BCAP31: variants seen among roughly 807,000 people sequenced by gnomAD.
BCAP31 encodes the protein B-cell receptor-associated protein 31.
For synonymous variants in BCAP31, 75 were observed against 80.9 expected, an observed-to-expected ratio of 0.93 and a Z score of 0.39; for missense variants, 124 against 193.0, an observed-to-expected ratio of 0.64 and a Z score of 2.12.
At chrX:153,713,348 G>A (rs918697880) in intron 4 of BCAP31, among the ~76,000 whole-genome samples, 3 of 111,991 alleles carry the variant, frequency 2.7e-5, no homozygotes, top group South Asian at 3.7e-4. Context: ...GCATCTGGTC[G>A]TTAAGAACAG....
chrX:153,717,252 T>C lies in BCAP31; in HGVS notation c.194-1563A>G, dbSNP rs149054735. Among the ~76,000 whole-genome samples the C allele has an allele frequency of 4.3e-3, 480 of 112,412 alleles. 3 individuals carry two copies. Among genetic ancestry groups the C allele is most frequent in the African/African-American group, 0.014 (437 of 30,925 alleles). Reference sequence around the variant, plus strand: ...CCTGAAAGAGCCGCTGTTAGACATATAGAGCTCCAGTTAAAAATATATTTA... The same window carrying C: ...CCTGAAAGAGCCGCTGTTAGACATACAGAGCTCCAGTTAAAAATATATTTA... On this transcript the variant is annotated intron_variant, in intron 3 of 7. Transcript: ENST00000345046.
intron 1 of BCAP31, 92 bp downstream of exon 1, chrX:153,724,242 G>A (rs1310379787): frequency 5.3e-5 from 11 of 207,886 alleles, no homozygotes; most frequent in African/African-American, 9.6e-5. Context: ...CGGCCCCCGG[G>A]CCTCCCCGCG....
chrX:153,702,838 G>A, intron 6 of BCAP31, 97 bp downstream of exon 6: 8 of 1,128,786 alleles, frequency 7.1e-6, no homozygotes, highest in South Asian at 4.0e-5. Context: ...GTGCGTGCAA[G>A]GCTTGTTACT....
At chrX:153,710,169 G>A (rs1190990722) in intron 4 of BCAP31, among the ~76,000 whole-genome samples, 4 of 112,032 alleles carry the variant, frequency 3.6e-5, no homozygotes, top group Non-Finnish European at 7.5e-5. Context: ...GGGGGAGGCC[G>A]AAGCAGAGAC....
intron 3 of BCAP31, among the ~76,000 whole-genome samples, chrX:153,718,621 T>C (rs193185144): frequency 3.1e-4 from 35 of 112,558 alleles, no homozygotes; most frequent in Admixed American, 2.1e-3. Context: ...ATGGGGAGTT[T>C]AACTTTCTAA....
At chrX:153,722,884 C>G (rs1347244632) in intron 2 of BCAP31, among the ~76,000 whole-genome samples, 1 of 110,447 alleles carries the variant, frequency 9.1e-6, no homozygotes, top group Non-Finnish European at 1.9e-5. Context: ...ATTTCCAGAA[C>G]TGTAACATAG....
intron 2 of BCAP31, 39 bp from the exon 3 acceptor site, chrX:153,721,011 GCACA>G: frequency 8.8e-7 from 1 of 1,135,732 alleles, no homozygotes; most frequent in Non-Finnish European, 1.2e-6. Context: ...TGAAGAGAAA[GCACA>G]CACACGAGCT....
intron 3 of BCAP31, among the ~76,000 whole-genome samples, chrX:153,716,747 G>A (rs1241066639): frequency 9.0e-6 from 1 of 111,726 alleles, no homozygotes; most frequent in Non-Finnish European, 1.9e-5. Context: ...GCGACAGAGC[G>A]AGACTCTGTC....
intron 4 of BCAP31, among the ~76,000 whole-genome samples, chrX:153,707,012 C>T (rs1193918645): frequency 1.8e-5 from 2 of 111,720 alleles, no homozygotes; most frequent in African/African-American, 3.3e-5. Flanking sequence ...TCACTAACCA[C>T]GTGGCCCCCT....
chrX:153,702,925 C>A lies in BCAP31; in HGVS notation c.601+10G>T, dbSNP rs781941824. 8.3e-7 allele frequency: 1 copy of A among 1,208,813 alleles called. No homozygotes were observed. The highest frequency in any genetic ancestry group is 1.8e-5 in the South Asian group (1 of 56,885). ...TTCCCTGCGGGGAAGGACACGAGGT[C>A]GAGCCTCACTTTGCTTAGTGCTGGC... On this transcript the variant is annotated intron_variant, in intron 6 of 7. Coordinates refer to ENST00000345046, the MANE Select transcript of BCAP31 (RefSeq NM_001256447.2).
At chrX:153,723,583 T>C (rs2091684237) in intron 1 of BCAP31, 1 of 1,167,190 alleles carries the variant, frequency 8.6e-7, no homozygotes, top group Admixed American at 2.6e-5. Context: ...AAGCCCGAGA[T>C]TTCCGACGCC....
intron 4 of BCAP31, 29 bp downstream of exon 4, chrX:153,715,513 A>G (rs781830867): frequency 9.1e-6 from 11 of 1,204,197 alleles, no homozygotes; most frequent in Admixed American, 8.8e-5. Flanking sequence ...CTCCTTTCAC[A>G]GCACCTGCCC....
chrX:153,708,153 T>A lies in BCAP31; in HGVS notation c.342-4059A>T, dbSNP rs182724884. Among the ~76,000 whole-genome samples, 4 of 112,704 alleles carry A rather than the reference T, an allele frequency of 3.5e-5. No homozygotes were observed. The East Asian group carries it at 1.1e-3, about 31-fold the overall frequency. ...ACATGGCAGCCCCAATGCCTCAATC[T>A]GACTGGGCTTTCTTGATAGAATGTT... is the stretch of plus-strand genomic sequence containing the variant. On this transcript the variant is annotated intron_variant, in intron 4 of 7. Transcript: ENST00000345046.
chrX:153,721,707 G>A (rs183268455), intron 2 of BCAP31, among the ~76,000 whole-genome samples: 36 of 107,708 alleles, frequency 3.3e-4, no homozygotes, highest in African/African-American at 1.2e-3. Flanking sequence ...GGCCAACATG[G>A]TGAACTCCCA....
At chrX:153,723,688 C>G (rs782087472) in intron 1 of BCAP31, 80 of 1,150,964 alleles carry the variant, frequency 7.0e-5, no homozygotes, top group Non-Finnish European at 9.2e-5. Context: ...CCCCGCCAGG[C>G]AGAACTCAGC....
At chrX:153,719,385 A>C (rs1351909029) in intron 3 of BCAP31, among the ~76,000 whole-genome samples, 1 of 112,177 alleles carries the variant, frequency 8.9e-6, no homozygotes, top group Non-Finnish European at 1.9e-5. Flanking sequence ...CCTGGTTAGA[A>C]AGAGCTACTA....
chrX:153,701,255 A>G lies in BCAP31; in HGVS notation c.703-280T>C, dbSNP rs189617231. ...CTGAGTCCTGGCTGCAGGGAACAGCAAGGCATCCAGTCCCCTTCAAGACCT... is the reference window on the plus strand; with the variant it reads ...CTGAGTCCTGGCTGCAGGGAACAGCGAGGCATCCAGTCCCCTTCAAGACCT... On this transcript the variant is annotated intron_variant, in intron 7 of 7. Transcript: ENST00000345046. Among the ~76,000 whole-genome samples the G allele has an allele frequency of 2.3e-3, 260 of 112,234 alleles. 1 individual carries two copies. The highest frequency in any genetic ancestry group is 8.0e-3 in the African/African-American group (246 of 30,905).
chrX:153,718,653 G>A (rs927057762), intron 3 of BCAP31, among the ~76,000 whole-genome samples: 1 of 112,182 alleles, frequency 8.9e-6, no homozygotes, highest in African/African-American at 3.2e-5. Flanking sequence ...GAATTTTTAA[G>A]AATAATTACC....
intron 1 of BCAP31, chrX:153,723,670 G>A: frequency 8.6e-7 from 1 of 1,157,199 alleles, no homozygotes; most frequent in Non-Finnish European, 1.2e-6. Context: ...CCCATCGGGC[G>A]CTCCCTTCCC....
Sources: gnomAD v4.1 joint callset for allele counts (sites outside exome capture counted in the v4.1 genomes callset) on GRCh38, gnomAD v4.1.1 for gene constraint, MANE v1.5 for transcripts, NCBI Gene and HGNC (gene_info 2026-07-23, HGNC 2026-07-21) for gene names.